The following SMARCC2 variants were observed in gnomAD, a reference collection of about 807,000 sequenced individuals.
SMARCC2 encodes SWI/SNF related BAF chromatin remodeling complex subunit C2, also known as SWI/SNF complex subunit SMARCC2.
A neutral mutation model predicts 151.3 loss-of-function variants in SMARCC2; 15 were observed. The ratio of observed to expected loss-of-function variants is 0.10; its 90% confidence interval spans 0.07 to 0.15. The LOEUF (loss-of-function observed/expected upper bound fraction) is 0.15, where lower values mean the gene tolerates loss of function less well. SMARCC2 is among the 10% of genes least tolerant of loss of function. SMARCC2 has a pLI of 1.00. For synonymous variants in SMARCC2, 590 were observed against 609.5 expected, an observed-to-expected ratio of 0.97 and a Z score of 0.47; for missense variants, 1,031 against 1,599.7, an observed-to-expected ratio of 0.64 and a Z score of 6.06.
At chr12:56,164,101 C>T (rs779503524) in intron 28 of SMARCC2, among the ~76,000 whole-genome samples, 1 of 152,234 alleles carries the variant, frequency 6.6e-6, no homozygotes, top group Non-Finnish European at 1.5e-5. Flanking sequence ...GCCCCAACAT[C>T]ATCCCAAAGG....
rs1278341887 is a variant in SMARCC2, at chr12:56,165,612, G to A, written c.2938C>T (p.Gln980Ter). ...LKYAEMRARQ[Q>*]HFQQMHQQQQ... ...TGTTGGTGCATCTGTTGGAAGTGCT[G>A]CTGCCGAGCCCTCATCTCCGCATAC... is the stretch of plus-strand genomic sequence containing the variant. Residue 980 changes from glutamine (Q) to a stop codon, truncating the protein, a stop_gained, in exon 27 of 29, where the codon CAG (glutamine) becomes TAG (stop). Coordinates refer to ENST00000550164, the MANE Select transcript of SMARCC2 (RefSeq NM_001330288.2). LOFTEE classifies it high-confidence loss of function. 6.2e-7 allele frequency: 1 copy of A among 1,613,736 alleles called. No individual in the cohort carries two copies. The highest frequency in any genetic ancestry group is 1.7e-5 in the Admixed American group (1 of 60,030).
Position 56,182,073 on chromosome 12 carries a change from G to A in SMARCC2, c.639C>T (p.Asp213=). ...LHWGYYPDSY[D]TWIPASEIEA... is the part of the protein sequence containing the mutation. The stretch of plus-strand genomic sequence containing the variant: ...CAATTTCACTCGCTGGGATCCACGT[G>A]TCGTAACTGCCATGGGAAATTGAGC... The change falls in exon 8 of 29, where the codon GAC becomes GAT. Residue 213 remains aspartate, a synonymous_variant. Coordinates refer to ENST00000550164, the MANE Select transcript of SMARCC2 (RefSeq NM_001330288.2). 1 of 1,611,096 alleles carries A rather than the reference G, an allele frequency of 6.2e-7. No individual in the cohort carries two copies. Among genetic ancestry groups the A allele is most frequent in the Non-Finnish European group, 8.5e-7 (1 of 1,177,904 alleles).
intron 26 of SMARCC2, 144 bp downstream of exon 26, chr12:56,167,916 G>GCACT (rs1873120725): frequency 1.1e-6 from 1 of 870,060 alleles, no homozygotes; most frequent in African/African-American, 2.7e-5. Context: ...ACACACTCAG[G>GCACT]CTTTCCCCAC....
At chr12:56,172,534 C>T in intron 19 of SMARCC2, 44 bp from the exon 20 acceptor site, 1 of 1,612,828 alleles carries the variant, frequency 6.2e-7, no homozygotes, top group Non-Finnish European at 8.5e-7. Context: ...GAGCCTGTGA[C>T]CTCTGAGGAG....
intron 25 of SMARCC2, 21 bp downstream of exon 25, chr12:56,169,508 G>T (rs1873493641): frequency 1.2e-6 from 2 of 1,611,840 alleles, no homozygotes; most frequent in South Asian, 2.2e-5. Flanking sequence ...CTTCCCTGAG[G>T]TCTTCAAGGT....
intron 4 of SMARCC2, 46 bp downstream of exon 4, chr12:56,184,984 G>A (rs1043300200): frequency 5.0e-6 from 8 of 1,585,616 alleles, no homozygotes; most frequent in Middle Eastern, 1.7e-4. Context: ...GGGTGTTTTA[G>A]ATTCTCACTG....
At position 56,163,577 on chromosome 12, in the gene SMARCC2, TACG is replaced by T. The variant is rs1464856441; in HGVS notation, c.*109_*111del. The T allele has an allele frequency of 1.8e-6, 1 of 557,556 alleles. No individual in the cohort carries two copies. Among genetic ancestry groups the T allele is most frequent in the East Asian group, 3.2e-5 (1 of 31,714 alleles). 34.5% of individuals were successfully genotyped at this position (557,556 alleles called of 1,614,324 possible). A position where few individuals can be genotyped will look rare whatever the true frequency, so the allele number is the denominator to read the frequency against. On this transcript the variant is annotated 3_prime_UTR_variant, in exon 29 of 29. Transcript: ENST00000550164. ...TTGGAGGGGCGGAAGGAGCTTTCCT[TACG>T]TAGTGATGAACTCTCCAGGCTGGGG...
At position 56,165,340 on chromosome 12, in the gene SMARCC2, C is replaced by A; in HGVS notation, c.3210G>T (p.Gly1070=). Residue 1070 remains glycine (G), a synonymous_variant, in exon 27 of 29, where the codon GGG becomes GGT. Transcript: ENST00000550164. The part of the protein sequence containing the change: ...GAPQPGAVPP[G]VPPPGPHGPS... Reference sequence around the variant, plus strand: ...TACCATGGGGTCCAGGGGGGGGAACCCCTGGTGGGACTGCCCCAGGCTGGG... The same window carrying A: ...TACCATGGGGTCCAGGGGGGGGAACACCTGGTGGGACTGCCCCAGGCTGGG... 3 of 1,499,282 alleles carry A rather than the reference C, an allele frequency of 2.0e-6. No individual in the cohort carries two copies. The highest frequency in any genetic ancestry group is 2.7e-6 in the Non-Finnish European group (3 of 1,127,578). The allele number at this position is 1,499,282 out of a possible 1,614,324, so 92.9% of individuals were successfully genotyped here.
At chr12:56,183,514 T>A (rs981662827) in intron 7 of SMARCC2, 1 of 177,710 alleles carries the variant, frequency 5.6e-6, no homozygotes, top group African/African-American at 2.4e-5. Context: ...TTATAAATTA[T>A]CCATGTTATA....
At position 56,163,763 on chromosome 12, in the gene SMARCC2, G is replaced by C. The variant is rs998444130; in HGVS notation, c.3664C>G (p.Pro1222Ala). 2.0e-6 allele frequency: 3 copies of C among 1,513,036 alleles called. No individual in the cohort carries two copies. The highest frequency in any genetic ancestry group is 2.6e-6 in the Non-Finnish European group (3 of 1,140,288). The allele number at this position is 1,513,036 out of a possible 1,614,324, so 93.7% of individuals were successfully genotyped here. ...LLPSASPLPDPGTPLPPDPTA... is the reference protein window; with the variant it reads ...LLPSASPLPDAGTPLPPDPTA... ...GGGTCTGGAGGCAGGGGGGTGCCTG[G>C]GTCTGTGGAGAAAAGGAAGATAAAT... The change falls in exon 29 of 29, where the codon CCA (proline) becomes GCA (alanine). Residue 1222 changes from proline (P) to alanine (A), a missense_variant and splice_region_variant. Transcript: ENST00000550164.
At position 56,187,109 on chromosome 12, in the gene SMARCC2, T is replaced by C. The variant is rs1212442669; in HGVS notation, c.231+78A>G. On this transcript the variant is annotated intron_variant, in intron 2 of 28. Transcript: ENST00000550164. ...TCAAAAATTACAAAATTCACAAATC[T>C]TTTTTTAAAATACAACTCTTCAGTT... 4.2e-6 allele frequency: 6 copies of C among 1,439,492 alleles called. No homozygotes were observed. The Admixed American group carries it at 1.3e-4, about 30-fold the overall frequency. The allele number at this position is 1,439,492 out of a possible 1,614,324, so 89.2% of individuals were successfully genotyped here. A position where few individuals can be genotyped will look rare whatever the true frequency, so the allele number is the denominator to read the frequency against.
intron 26 of SMARCC2, among the ~76,000 whole-genome samples, chr12:56,167,348 CAAAT>C (rs577110686): frequency 2.6e-5 from 4 of 151,890 alleles, no homozygotes; most frequent in East Asian, 3.9e-4. Context: ...AACTCTGTCT[CAAAT>C]AAATAAATAA....
At chr12:56,178,198 T>C (rs1875410688) in intron 14 of SMARCC2, 105 bp from the exon 15 acceptor site, 2 of 1,028,270 alleles carry the variant, frequency 1.9e-6, no homozygotes, top group African/African-American at 3.2e-5. Flanking sequence ...GAGCTCGAAA[T>C]TGCTGAAGTT....
At chr12:56,174,612 A>G in intron 16 of SMARCC2, 39 bp downstream of exon 16, 1 of 1,320,594 alleles carries the variant, frequency 7.6e-7, no homozygotes, top group Middle Eastern at 2.2e-4. Flanking sequence ...ATAGGCAGGC[A>G]TCCTCATGTA....
intron 12 of SMARCC2, 28 bp from the exon 13 acceptor site, chr12:56,178,875 C>G: frequency 6.2e-7 from 1 of 1,613,346 alleles, no homozygotes. Context: ...AGATGTAAGG[C>G]TGGAGCCTCC....
At chr12:56,169,393 C>T (rs1873468837) in intron 25 of SMARCC2, 136 bp downstream of exon 25, 1 of 1,118,016 alleles carries the variant, frequency 8.9e-7, no homozygotes, top group Non-Finnish European at 1.3e-6. Context: ...CTAACTTTAC[C>T]TCCTCCTGAG....
At chr12:56,189,228 T>G (rs1285662678) in intron 1 of SMARCC2, 123 bp downstream of exon 1, 1 of 353,998 alleles carries the variant, frequency 2.8e-6, no homozygotes, top group Non-Finnish European at 4.4e-6. Context: ...CGCGGGGGGC[T>G]GCTTGGGAGG....
chr12:56,185,073 C>T lies in SMARCC2; in HGVS notation c.356G>A (p.Arg119His). 6.2e-7 allele frequency: 1 copy of T among 1,613,984 alleles called. No individual in the cohort carries two copies. The highest frequency in any genetic ancestry group is 8.5e-7 in the Non-Finnish European group (1 of 1,179,926). ...AATGGTCATAAACATTTCCACATTG[C>T]GGTCCATGCGTGATGGATTCTGGAA... ...YDFQNPSRMD[R>H]NVEMFMTIEK... Residue 119 changes from arginine (R) to histidine (H), a missense_variant, in exon 4 of 29, where the codon CGC becomes CAC. Arg to His is a conservative substitution (Grantham distance 29). Around this residue, in one of 12 missense-constraint regions of SMARCC2, gnomAD observed 16 missense variants for 56.0 expected, o/e 0.29. Transcript: ENST00000550164.
chr12:56,165,788 A>T, intron 26 of SMARCC2, 89 bp from the exon 27 acceptor site: 1 of 1,328,154 alleles, frequency 7.5e-7, no homozygotes, highest in Non-Finnish European at 1.1e-6. Flanking sequence ...CTTCTGAAAG[A>T]GCCTGCCTCT....
Sources: gnomAD v4.1 joint callset for allele counts (sites outside exome capture counted in the v4.1 genomes callset) on GRCh38, gnomAD v4.1.1 for gene constraint, gnomAD v4.1.1 regional missense constraint, MANE v1.5 for transcripts, NCBI Gene and HGNC (gene_info 2026-07-23, HGNC 2026-07-21) for gene names.